Variants in MEG3 observed in about 807,000 individuals in gnomAD.
MEG3 encodes the protein maternally expressed 3.
At chr14:100,838,804 GTA>G (rs527306865) in intron 2 of MEG3, among the ~76,000 whole-genome samples, 275 of 152,200 alleles carry the variant, frequency 1.8e-3, no homozygotes, top group Non-Finnish European at 2.7e-3. Context: ...AACCAAGAGG[GTA>G]GCTCAGGCCT....
rs1341562123 is a variant in MEG3, at chr14:100,837,063, A to G, written n.3045+763A>G. Among the ~76,000 whole-genome samples, 1 of 152,200 alleles carries G rather than the reference A, an allele frequency of 6.6e-6. No individual in the cohort carries two copies. Among genetic ancestry groups the G allele is most frequent in the Non-Finnish European group, 1.5e-5 (1 of 68,040 alleles). ...GCCTGGGGTTGTTCTGGGGCGCCTA[A>G]GGCTGGGCTTTGCACTAAGGACCAG... On this transcript the variant is annotated intron_variant and non_coding_transcript_variant, in intron 2 of 3. Coordinates refer to the MEG3 transcript ENST00000398461. This position sits in a 1 kb window ranked among gnomAD's most constrained non-coding sequence, Gnocchi z 5.8.
chr14:100,843,301 G>A (rs1292821262), intron 2 of MEG3, among the ~76,000 whole-genome samples: 1 of 152,198 alleles, frequency 6.6e-6, no homozygotes, highest in Admixed American at 6.5e-5. Flanking sequence ...GGAAATGGCA[G>A]TGCCTTTGGT....
At chr14:100,851,476 A>C (rs893379458) in intron 3 of MEG3, 3 of 152,362 alleles carry the variant, frequency 2.0e-5, no homozygotes, top group African/African-American at 7.2e-5. Context: ...GGGGACCCAG[A>C]AGCCCCGGGA....
downstream of MEG3, chr14:100,834,033 T>G (rs920975575): frequency 6.6e-5 from 10 of 152,412 alleles, no homozygotes; most frequent in African/African-American, 2.2e-4. Flanking sequence ...GGCAAAAGCC[T>G]GAGGCAATCT....
At chr14:100,838,411 G>A (rs141206660) in intron 2 of MEG3, among the ~76,000 whole-genome samples, 12 of 152,306 alleles carry the variant, frequency 7.9e-5, no homozygotes, top group African/African-American at 2.9e-4. Context: ...AATATGCCAC[G>A]TTCTCAATGA....
chr14:100,843,648 C>T (rs1390273239), intron 2 of MEG3, among the ~76,000 whole-genome samples: 4 of 152,144 alleles, frequency 2.6e-5, no homozygotes, highest in East Asian at 1.9e-4. Flanking sequence ...GTGCCCTGGC[C>T]GGGTCTTGGA....
At chr14:100,843,158 T>C (rs1194791563) in intron 2 of MEG3, among the ~76,000 whole-genome samples, 1 of 152,180 alleles carries the variant, frequency 6.6e-6, no homozygotes, top group East Asian at 1.9e-4. Context: ...TGAGGTTTCA[T>C]GGGGTCCCTG....
intron 2 of MEG3, among the ~76,000 whole-genome samples, chr14:100,843,259 G>A (rs543386551): frequency 2.6e-5 from 4 of 152,302 alleles, no homozygotes; most frequent in African/African-American, 9.6e-5. Context: ...AACAAAAACA[G>A]CCAAACAAAG....
chr14:100,852,335 G>C, upstream of MEG3: 1 of 532,186 alleles, frequency 1.9e-6, no homozygotes, highest in South Asian at 1.4e-5. Context: ...TTCTAGCTCC[G>C]GCCGAGTGGA....
chr14:100,835,202 A>T, exon 1 of MEG3: 1 of 242,842 alleles, frequency 4.1e-6, no homozygotes, highest in Non-Finnish European at 8.2e-6. Flanking sequence ...CCTGATGCTG[A>T]ACTGTTCTGG....
chr14:100,828,148 C>T (rs1217657737), intron 1 of MEG3, among the ~76,000 whole-genome samples: 1 of 152,000 alleles, frequency 6.6e-6, no homozygotes, highest in African/African-American at 2.4e-5. Context: ...CTGTTGGGCA[C>T]CCCCTGTCCA....
At chr14:100,843,133 G>C (rs2037808186) in intron 2 of MEG3, among the ~76,000 whole-genome samples, 1 of 152,170 alleles carries the variant, frequency 6.6e-6, no homozygotes, top group South Asian at 2.1e-4. Context: ...GTTAATTAAG[G>C]ACGGTCAGGG....
At chr14:100,833,290 C>G (rs937588201), downstream of MEG3, 16 of 152,246 alleles carry the variant, frequency 1.1e-4, no homozygotes, top group African/African-American at 3.4e-4. Flanking sequence ...AATGGAGTCT[C>G]GCTCTGTCGC....
In MEG3 at chr14:100,851,207, A is replaced by G. The variant is rs2038063199; in HGVS notation, n.3121+5674A>G. On this transcript the variant is annotated intron_variant and non_coding_transcript_variant, in intron 3 of 3. Coordinates refer to the MEG3 transcript ENST00000398461. ...CCATCTATGGCCTGGATAGGCAGGA[A>G]GGGCTTGGACCCTGAGCCCCGCAGA... 3 of 152,296 alleles carry G rather than the reference A, an allele frequency of 2.0e-5. No homozygotes were observed. The South Asian group carries it at 6.2e-4, about 31-fold the overall frequency. The allele number at this position is 152,296 out of a possible 1,614,324, so 9.4% of individuals were successfully genotyped here. A position where few individuals can be genotyped will look rare whatever the true frequency, so the allele number is the denominator to read the frequency against.
downstream of MEG3, chr14:100,832,314 T>C (rs1025748203): frequency 1.3e-5 from 2 of 152,112 alleles, no homozygotes; most frequent in African/African-American, 4.8e-5. Context: ...TTCCATCGAG[T>C]TTAACCTCTT....
At chr14:100,835,262 T>C (rs1313811196) in exon 1 of MEG3, 1 of 166,512 alleles carries the variant, frequency 6.0e-6, no homozygotes, top group Non-Finnish European at 1.3e-5. Flanking sequence ...GGAACAGCTG[T>C]AGTGTGTGCC....
chr14:100,835,105 G>A (rs958008953), exon 1 of MEG3: 4 of 331,670 alleles, frequency 1.2e-5, no homozygotes, highest in South Asian at 4.9e-5. Flanking sequence ...GTAGGCCGGA[G>A]GGTGTGAGGG....
At chr14:100,844,074 C>T (rs1209819511) in intron 2 of MEG3, among the ~76,000 whole-genome samples, 2 of 152,088 alleles carry the variant, frequency 1.3e-5, no homozygotes, top group Non-Finnish European at 2.9e-5. Context: ...TCAGGCGATC[C>T]ACCTGCCTCA....
chr14:100,857,754 AG>A (rs1449440406), exon 1 of MEG3: 2 of 152,228 alleles, frequency 1.3e-5, no homozygotes, highest in East Asian at 3.9e-4. Context: ...CGCTGCCGTG[AG>A]GGGACGATCT....
Sources: gnomAD v4.1 joint callset for allele counts (sites outside exome capture counted in the v4.1 genomes callset) on GRCh38, gnomAD v4.1.1 for gene constraint, Gnocchi (gnomAD v3.1) non-coding constraint, MANE v1.5 for transcripts, NCBI Gene and HGNC (gene_info 2026-07-23, HGNC 2026-07-21) for gene names.